The following NUMB variants were observed in gnomAD, a reference collection of about 807,000 sequenced individuals.
The protein encoded by NUMB is NUMB endocytic adaptor protein, also known as protein numb homolog.
A neutral mutation model predicts 59.7 loss-of-function variants in NUMB; 29 were observed. The observed-to-expected ratio is 0.49, with a 90% CI of 0.36 to 0.66. The LOEUF (loss-of-function observed/expected upper bound fraction) is 0.66, where lower values mean the gene tolerates loss of function less well. NUMB is among the 30% of genes least tolerant of loss of function. The probability of loss-of-function intolerance (pLI) is 0.00; values close to 1 mark genes in which losing one functional copy is unlikely to be tolerated. For synonymous variants in NUMB, 288 were observed against 288.2 expected (o/e 1.00, Z 0.01); for missense variants, 723 against 822.0 (o/e 0.88, Z 1.47).
chr14:73,277,427 G>A (rs756137692), intron 12 of NUMB, 134 bp from the exon 13 acceptor site: 33 of 719,624 alleles, frequency 4.6e-5, no homozygotes, highest in Non-Finnish European at 7.2e-5. Context: ...GTTTTGATAG[G>A]TAGGAGTAAA....
rs1171734636 is a variant in NUMB, at chr14:73,398,392, CAG to C, written c.-101+11543_-101+11544del. On this transcript the variant is annotated intron_variant, in intron 2 of 12. Coordinates refer to ENST00000555238, the MANE Select transcript of NUMB (RefSeq NM_001005743.2). ...TTTGTATATGAGAGAGAGACACACA[CAG>C]AGAGAGAGAGAGAGAGAGAGAGTGT... Among the ~76,000 whole-genome samples the C allele has an allele frequency of 2.5e-3, 338 of 133,720 alleles. 1 individual carries two copies. The highest frequency in any genetic ancestry group is 5.7e-3 in the East Asian group (26 of 4,574). The allele number at this position is 133,720 out of a possible 152,430, so 87.7% of individuals were successfully genotyped here. A position where few individuals can be genotyped will look rare whatever the true frequency, so the allele number is the denominator to read the frequency against.
intron 9 of NUMB, chr14:73,285,252 C>T (rs1261495139): frequency 6.6e-6 from 1 of 152,134 alleles, no homozygotes; most frequent in East Asian, 1.9e-4. Flanking sequence ...ACTGTGGGTA[C>T]CAGTTGAGTC....
At position 73,282,450 on chromosome 14, in the gene NUMB, G is replaced by A. The variant is rs767927196; in HGVS notation, c.1005C>T (p.Thr335=). Residue 335 remains threonine (T), a synonymous_variant, in exon 11 of 13, where the codon ACC becomes ACT. Transcript: ENST00000555238. The part of the protein sequence containing the change: ...ESISSLCSQI[T]NAFSTPEDPF... ...GGTCCTCAGGTGTGCTGAAGGCATT[G>A]GTGATCTGTGAGCACAGGGAGCTGA... 6.2e-6 allele frequency: 10 copies of A among 1,614,156 alleles called. No homozygotes were observed. The highest frequency in any genetic ancestry group is 8.5e-6 in the Non-Finnish European group (10 of 1,180,030).
At chr14:73,370,990 G>A (rs1004016120) in intron 2 of NUMB, among the ~76,000 whole-genome samples, 3 of 151,260 alleles carry the variant, frequency 2.0e-5, no homozygotes, top group African/African-American at 7.3e-5. Context: ...CTTGAGATGG[G>A]GTCTCACTAT....
chr14:73,424,839 A>T (rs897755894), intron 1 of NUMB, among the ~76,000 whole-genome samples: 6 of 152,260 alleles, frequency 3.9e-5, no homozygotes, highest in Non-Finnish European at 1.5e-5. Context: ...TATAAAGAAA[A>T]AATAATAATG....
At chr14:73,341,755 TTTTAAAG>T (rs1419930594) in intron 4 of NUMB, among the ~76,000 whole-genome samples, 6 of 152,292 alleles carry the variant, frequency 3.9e-5, no homozygotes, top group Admixed American at 6.5e-5. Context: ...TTAAAAAATA[TTTTAAAG>T]TTTAAACTAT....
intron 4 of NUMB, among the ~76,000 whole-genome samples, chr14:73,352,517 TATATATA>T (rs1566756413): frequency 4.1e-5 from 1 of 24,382 alleles, no homozygotes; most frequent in Non-Finnish European, 7.5e-5. Context: ...TATATATATA[TATATATA>T]TATATGTTTT....
At chr14:73,415,678 G>C (rs2140142075) in intron 1 of NUMB, among the ~76,000 whole-genome samples, 1 of 151,992 alleles carries the variant, frequency 6.6e-6, no homozygotes, top group African/African-American at 2.4e-5. Flanking sequence ...TGTTGGCCAG[G>C]CTGGTCTCGA....
chr14:73,371,916 C>T (rs1894690901), intron 2 of NUMB, among the ~76,000 whole-genome samples: 1 of 151,952 alleles, frequency 6.6e-6, no homozygotes. Context: ...TATTCTGTTA[C>T]AGCAGCACAA....
chr14:73,454,332 A>G lies in NUMB; in HGVS notation c.-233+4161T>C, dbSNP rs561311823. On this transcript the variant is annotated intron_variant, in intron 1 of 12. Transcript: ENST00000555238. ...ATGTGTTTTGGCAAGTCCAAAGTAA[A>G]ATGTAGCTTTTCAAGTACTCTATTA... Among the ~76,000 whole-genome samples, 14 of 152,316 alleles carry G rather than the reference A, an allele frequency of 9.2e-5. No homozygotes were observed. In the Middle Eastern group the frequency reaches 0.01, roughly 111 times the overall value.
chr14:73,282,580 G>A, intron 10 of NUMB, 75 bp from the exon 11 acceptor site: 1 of 1,483,710 alleles, frequency 6.7e-7, no homozygotes, highest in Admixed American at 1.9e-5. Flanking sequence ...GATGCAAGCT[G>A]GCACTTTATA....
intron 10 of NUMB, 114 bp downstream of exon 10, chr14:73,283,967 A>G: frequency 1.0e-6 from 1 of 1,001,502 alleles, no homozygotes; most frequent in African/African-American, 1.6e-5. Flanking sequence ...ACAACTATCA[A>G]CGAACCTCAG....
intron 11 of NUMB, 128 bp downstream of exon 11, chr14:73,282,231 T>A: frequency 1.3e-6 from 1 of 770,182 alleles, no homozygotes; most frequent in Non-Finnish European, 2.0e-6. Flanking sequence ...ATCTAAGACA[T>A]CAAATAGAGA....
chr14:73,392,131 CT>C (rs1209300456), intron 2 of NUMB, among the ~76,000 whole-genome samples: 1 of 152,216 alleles, frequency 6.6e-6, no homozygotes, highest in Non-Finnish European at 1.5e-5. Flanking sequence ...TTGCAACCAT[CT>C]TCCCTTGATT....
rs186775458 is a variant in NUMB, at chr14:73,283,511, C to T, written c.949+570G>A. Among the ~76,000 whole-genome samples the T allele has an allele frequency of 5.1e-4, 78 of 152,320 alleles. 1 individual carries two copies. In the South Asian group the frequency reaches 6.4e-3, roughly 13 times the overall value. On this transcript the variant is annotated intron_variant, in intron 10 of 12. Coordinates refer to ENST00000555238, the MANE Select transcript of NUMB (RefSeq NM_001005743.2). ...ACCTATAGAGGCTGGCATAGCTGTA[C>T]AGAGGCCACACAAAGGCCTGTGAGA...
chr14:73,374,747 G>C (rs942861892), intron 2 of NUMB, among the ~76,000 whole-genome samples: 5 of 119,262 alleles, frequency 4.2e-5, no homozygotes, highest in African/African-American at 1.6e-4. Flanking sequence ...TTTTGAGACA[G>C]AGTCTCTCTC....
chr14:73,297,452 A>C (rs1889856867), intron 6 of NUMB, 167 bp from the exon 7 acceptor site: 1 of 506,418 alleles, frequency 2.0e-6, no homozygotes, highest in Admixed American at 3.4e-5. Context: ...CAAACTGCAG[A>C]AACATTCAGG....
At position 73,287,091 on chromosome 14, in the gene NUMB, A is replaced by C. The variant is rs1302775292; in HGVS notation, c.655+19T>G. 6.2e-7 allele frequency: 1 copy of C among 1,607,560 alleles called. No individual in the cohort carries two copies. The highest frequency in any genetic ancestry group is 1.7e-5 in the Admixed American group (1 of 59,982). On this transcript the variant is annotated intron_variant, in intron 9 of 12. Coordinates refer to ENST00000555238, the MANE Select transcript of NUMB (RefSeq NM_001005743.2). The stretch of plus-strand genomic sequence containing the variant: ...GAAAAACTGCATTCCATAAATACAC[A>C]CTGTAGAACAGATTGTACCTTTCTT...
At chr14:73,366,625 C>G (rs575052657) in intron 3 of NUMB, among the ~76,000 whole-genome samples, 5 of 152,254 alleles carry the variant, frequency 3.3e-5, no homozygotes, top group African/African-American at 1.2e-4. Context: ...CAATGTCACA[C>G]AACAAGTAAA....
Sources: gnomAD v4.1 joint callset for allele counts (sites outside exome capture counted in the v4.1 genomes callset) on GRCh38, gnomAD v4.1.1 for gene constraint, MANE v1.5 for transcripts, NCBI Gene and HGNC (gene_info 2026-07-23, HGNC 2026-07-21) for gene names.